The following DMC1 variants were observed in gnomAD, a reference collection of about 807,000 sequenced individuals.
The protein encoded by DMC1 is DNA meiotic recombinase 1.
DMC1 carries 27 observed loss-of-function variants against 50.1 expected under a neutral mutation model. The observed-to-expected ratio is 0.54, with a 90% CI of 0.40 to 0.74. The LOEUF (loss-of-function observed/expected upper bound fraction) is 0.74. DMC1 is among the 30% of genes least tolerant of loss of function. DMC1 has a pLI of 0.00. For synonymous variants in DMC1, 148 were observed against 136.1 expected (o/e 1.09, Z -0.61); for missense variants, 295 against 420.2 (o/e 0.70, Z 2.60).
intron 11 of DMC1, among the ~76,000 whole-genome samples, chr22:38,537,944 A>T (rs964527106): frequency 6.6e-6 from 1 of 152,154 alleles, no homozygotes; most frequent in African/African-American, 2.4e-5. Context: ...GGAGCTCGAG[A>T]CCAGCCTGGC....
chr22:38,556,964 T>A (rs1006559890), intron 5 of DMC1, among the ~76,000 whole-genome samples: 2 of 152,206 alleles, frequency 1.3e-5, no homozygotes, highest in Non-Finnish European at 2.9e-5. Flanking sequence ...GGACATGGGC[T>A]AAGCGATCAA....
intron 5 of DMC1, among the ~76,000 whole-genome samples, chr22:38,558,297 A>C (rs1310112067): frequency 6.6e-6 from 1 of 152,148 alleles, no homozygotes; most frequent in Non-Finnish European, 1.5e-5. Flanking sequence ...AAACATAATT[A>C]AAATGTTTAA....
chr22:38,511,050 C>T, the DMC1 span, among the ~76,000 whole-genome samples: 1 of 152,254 alleles, frequency 6.6e-6, no homozygotes, highest in East Asian at 1.9e-4. Flanking sequence ...GGGAGGGTCG[C>T]TTGAGCCCAG....
chr22:38,517,626 A>G (rs1178725336), downstream of DMC1, among the ~76,000 whole-genome samples: 1 of 152,158 alleles, frequency 6.6e-6, no homozygotes, highest in Non-Finnish European at 1.5e-5. Flanking sequence ...TTAAAACAGC[A>G]TAATACACAG....
chr22:38,521,996 A>G (rs1343197574), intron 12 of DMC1, among the ~76,000 whole-genome samples: 6 of 151,538 alleles, frequency 4.0e-5, no homozygotes, highest in Admixed American at 3.3e-4. Flanking sequence ...TGTGTCGCCC[A>G]GGCTGGAGTG....
chr22:38,549,791 G>C (rs999226708), intron 8 of DMC1, 134 bp downstream of exon 8: 6 of 678,748 alleles, frequency 8.8e-6, no homozygotes, highest in South Asian at 5.5e-5. Flanking sequence ...AACAGTAATT[G>C]TTTTCCCTTT....
At chr22:38,558,341 A>T (rs1164520855) in intron 5 of DMC1, among the ~76,000 whole-genome samples, 1 of 152,130 alleles carries the variant, frequency 6.6e-6, no homozygotes, top group Non-Finnish European at 1.5e-5. Flanking sequence ...GCACCCTTAA[A>T]ATGTGCTAGA....
chr22:38,524,803 G>A (rs1333602640), intron 12 of DMC1, among the ~76,000 whole-genome samples: 1 of 151,960 alleles, frequency 6.6e-6, no homozygotes, highest in East Asian at 1.9e-4. Flanking sequence ...CACTACAGGT[G>A]GGCGCAGTAG....
chr22:38,561,166 C>A (rs1295692066), intron 5 of DMC1, among the ~76,000 whole-genome samples: 1 of 151,828 alleles, frequency 6.6e-6, no homozygotes. Flanking sequence ...CACCATCACA[C>A]CCAGCTAATT....
intron 12 of DMC1, among the ~76,000 whole-genome samples, chr22:38,537,170 T>A (rs866440546): frequency 6.6e-6 from 1 of 152,036 alleles, no homozygotes; most frequent in Non-Finnish European, 1.5e-5. Flanking sequence ...ATTTGTGATA[T>A]ATTTGTGCCC....
At chr22:38,568,806 G>C (rs1204089247) in intron 1 of DMC1, among the ~76,000 whole-genome samples, 1 of 152,018 alleles carries the variant, frequency 6.6e-6, no homozygotes, top group South Asian at 2.1e-4. Flanking sequence ...ATTATGAATG[G>C]GTACTCCTGT....
At chr22:38,539,468 A>G (rs934680067) in intron 8 of DMC1, 56 bp from the exon 9 acceptor site, 1 of 1,325,370 alleles carries the variant, frequency 7.5e-7, no homozygotes, top group African/African-American at 1.4e-5. Flanking sequence ...AGTTTAGACA[A>G]CCACTACAAA....
At chr22:38,554,461 A>C (rs938452212) in intron 6 of DMC1, among the ~76,000 whole-genome samples, 13 of 151,740 alleles carry the variant, frequency 8.6e-5, no homozygotes, top group Admixed American at 1.3e-4. Flanking sequence ...AAAAAAAAAA[A>C]CAGATTTAGT....
At chr22:38,566,542 T>C (rs1437451227) in intron 4 of DMC1, 48 bp downstream of exon 4, 4 of 1,608,942 alleles carry the variant, frequency 2.5e-6, no homozygotes, top group Non-Finnish European at 3.4e-6. Flanking sequence ...CTATAAAGAT[T>C]CACAAGGCCC....
At chr22:38,538,451 TGAAG>T in intron 10 of DMC1, 42 bp from the exon 11 acceptor site, 1 of 1,608,298 alleles carries the variant, frequency 6.2e-7, no homozygotes. Flanking sequence ...ATTTGGAAAT[TGAAG>T]GAAGACGTTA....
the DMC1 span, among the ~76,000 whole-genome samples, chr22:38,512,645 G>C: frequency 6.6e-6 from 1 of 152,210 alleles, no homozygotes; most frequent in Non-Finnish European, 1.5e-5. Context: ...TCCCACCCGA[G>C]TGTTAAGCAA....
chr22:38,539,326 T>C lies in DMC1; in HGVS notation c.581A>G (p.Tyr194Cys), dbSNP rs760917211. 8 of 1,613,040 alleles carry C rather than the reference T, an allele frequency of 5.0e-6. No individual in the cohort carries two copies. Among genetic ancestry groups the C allele is most frequent in the Non-Finnish European group, 5.9e-6 (7 of 1,179,026 alleles). The change falls in exon 9 of 14, where the codon TAT (tyrosine) becomes TGT (cysteine). Residue 194 changes from tyrosine (Y) to cysteine (C), a missense_variant. Tyr to Cys is a radical substitution (Grantham distance 194). Coordinates refer to ENST00000216024, the MANE Select transcript of DMC1 (RefSeq NM_007068.4). Reference protein sequence around the residue: ...VLDNVLYARAYTSEHQMELLD... With the variant: ...VLDNVLYARACTSEHQMELLD... ...CAACTGCATGGGGCTCTTACTAGTA[T>C]ATGCACGTGCATAAAGTACGTTGTC...
At chr22:38,510,683 G>A in the DMC1 span, among the ~76,000 whole-genome samples, 1 of 152,168 alleles carries the variant, frequency 6.6e-6, no homozygotes, top group Non-Finnish European at 1.5e-5. Context: ...TTCATCTTAG[G>A]ATATGAAAAG....
At chr22:38,510,808 T>C in the DMC1 span, among the ~76,000 whole-genome samples, 8 of 152,242 alleles carry the variant, frequency 5.3e-5, no homozygotes, top group African/African-American at 1.4e-4. Flanking sequence ...GATGACATTA[T>C]AGAGTCACTG....
Sources: allele counts gnomAD v4.1 joint callset (sites outside exome capture counted in the v4.1 genomes callset), GRCh38; gene constraint gnomAD v4.1.1; transcripts MANE v1.5; gene names NCBI Gene and HGNC (gene_info 2026-07-23, HGNC 2026-07-21).